CALN1: variants seen among roughly 807,000 people sequenced by gnomAD.
CALN1 encodes calneuron 1, also known as calcium-binding protein 8.
In CALN1, 17 loss-of-function variants were observed where a neutral mutation model predicts 30.6. The ratio of observed to expected loss-of-function variants is 0.56; its 90% CI spans 0.38 to 0.83. CALN1 has a LOEUF of 0.83. Ranked by LOEUF, CALN1 falls within the 40% of genes least tolerant of loss-of-function variation. The probability of loss-of-function intolerance (pLI) is 0.00; values close to 1 mark genes in which losing one functional copy is unlikely to be tolerated. For synonymous variants in CALN1, 156 were observed against 131.4 expected, an observed-to-expected ratio of 1.19 and a Z score of -1.28; for missense variants, 291 against 354.9, an observed-to-expected ratio of 0.82 and a Z score of 1.45.
At chr7:72,076,326 C>T (rs1391449746) in intron 4 of CALN1, among the ~76,000 whole-genome samples, 2 of 151,220 alleles carry the variant, frequency 1.3e-5, no homozygotes, top group Non-Finnish European at 2.9e-5. Flanking sequence ...AGGCCAGGTG[C>T]GGTGGCTCAC....
intron 5 of CALN1, among the ~76,000 whole-genome samples, chr7:71,985,915 T>C (rs1798648398): frequency 6.6e-6 from 1 of 152,058 alleles, no homozygotes; most frequent in Admixed American, 6.5e-5. Flanking sequence ...AATAGCAACA[T>C]GACTTGTAAT....
chr7:72,502,206 T>A, the CALN1 span, among the ~76,000 whole-genome samples: 4 of 149,584 alleles, frequency 2.7e-5, no homozygotes, highest in African/African-American at 9.7e-5. Context: ...GAGGTCAGAA[T>A]ATTACATTTT....
intron 2 of CALN1, among the ~76,000 whole-genome samples, chr7:72,341,103 G>T (rs1802361107): frequency 6.6e-6 from 1 of 152,200 alleles, no homozygotes; most frequent in African/African-American, 2.4e-5. Flanking sequence ...GAACAGAGTT[G>T]ACAGGATCTC....
intron 3 of CALN1, among the ~76,000 whole-genome samples, chr7:72,159,536 G>A (rs1431116650): frequency 1.3e-5 from 2 of 151,710 alleles, no homozygotes; most frequent in Non-Finnish European, 2.9e-5. Flanking sequence ...AGTGGCTTAT[G>A]CCTGTAATCC....
At chr7:72,132,863 C>G (rs1358388241) in intron 3 of CALN1, among the ~76,000 whole-genome samples, 1 of 152,136 alleles carries the variant, frequency 6.6e-6, no homozygotes, top group South Asian at 2.1e-4. Context: ...CTGTTAGGAA[C>G]CGGGCTGCAG....
At chr7:71,866,782 T>C (rs1273251889) in intron 5 of CALN1, among the ~76,000 whole-genome samples, 1 of 152,150 alleles carries the variant, frequency 6.6e-6, no homozygotes, top group Non-Finnish European at 1.5e-5. Context: ...AGTAGAGTTA[T>C]GAAATAGGGG....
At chr7:71,855,864 A>G (rs543127278) in intron 5 of CALN1, among the ~76,000 whole-genome samples, 2 of 152,278 alleles carry the variant, frequency 1.3e-5, no homozygotes, top group African/African-American at 4.8e-5. Context: ...AGTGGGCATT[A>G]AGAGTCCTGA....
At chr7:71,805,825 T>A (rs1787573930) in intron 6 of CALN1, among the ~76,000 whole-genome samples, 1 of 152,184 alleles carries the variant, frequency 6.6e-6, no homozygotes, top group Non-Finnish European at 1.5e-5. Flanking sequence ...TGGTCCTAGA[T>A]CTTTGAGGAA....
chr7:72,010,931 G>A (rs993221703), intron 5 of CALN1, among the ~76,000 whole-genome samples: 9 of 152,054 alleles, frequency 5.9e-5, no homozygotes, highest in African/African-American at 1.9e-4. Flanking sequence ...GAGGTGGGCG[G>A]ATCATGGGGT....
At chr7:72,220,446 T>C (rs1793201073) in intron 3 of CALN1, among the ~76,000 whole-genome samples, 1 of 151,634 alleles carries the variant, frequency 6.6e-6, no homozygotes, top group African/African-American at 2.4e-5. Context: ...CTATTGTTGT[T>C]GGACATTTGG....
chr7:72,341,210 T>C (rs184863634), intron 2 of CALN1, among the ~76,000 whole-genome samples: 1 of 152,194 alleles, frequency 6.6e-6, no homozygotes, highest in African/African-American at 2.4e-5. Flanking sequence ...ACTTTCTAGA[T>C]GACAACCATG....
At chr7:71,959,697 C>T (rs1213664018) in intron 5 of CALN1, among the ~76,000 whole-genome samples, 1 of 151,790 alleles carries the variant, frequency 6.6e-6, no homozygotes, top group East Asian at 1.9e-4. Context: ...GATGGTCACC[C>T]AGTCCCAACT....
intron 2 of CALN1, among the ~76,000 whole-genome samples, chr7:72,357,116 G>C (rs925348094): frequency 2.6e-5 from 4 of 151,960 alleles, no homozygotes; most frequent in African/African-American, 9.7e-5. Flanking sequence ...CTGAAACTTA[G>C]AGACAGCCTT....
chr7:72,369,040 C>A (rs1164997511), intron 2 of CALN1, among the ~76,000 whole-genome samples: 1 of 151,376 alleles, frequency 6.6e-6, no homozygotes, highest in African/African-American at 2.4e-5. Context: ...ATCTCGAACT[C>A]CTGACCTCAA....
At chr7:72,357,085 A>T (rs959625531) in intron 2 of CALN1, among the ~76,000 whole-genome samples, 9 of 152,200 alleles carry the variant, frequency 5.9e-5, no homozygotes, top group Non-Finnish European at 1.2e-4. Context: ...AAAGGAACTA[A>T]TGATTAAAAT....
At chr7:71,943,486 G>C (rs1237068044) in intron 5 of CALN1, among the ~76,000 whole-genome samples, 1 of 152,122 alleles carries the variant, frequency 6.6e-6, no homozygotes, top group Admixed American at 6.6e-5. Flanking sequence ...TGTCACCCAG[G>C]CTGGAGCACA....
chr7:72,218,519 C>A (rs1175508089), intron 3 of CALN1, among the ~76,000 whole-genome samples: 1 of 152,020 alleles, frequency 6.6e-6, no homozygotes, highest in African/African-American at 2.4e-5. Context: ...AGCTCAGTAG[C>A]CTGTTATTGT....
At chr7:72,223,267 G>A (rs1484628748) in intron 3 of CALN1, among the ~76,000 whole-genome samples, 2 of 152,128 alleles carry the variant, frequency 1.3e-5, no homozygotes, top group Non-Finnish European at 2.9e-5. Flanking sequence ...GGGCACATGG[G>A]AGAAATAAAA....
At chr7:72,004,289 A>C (rs1799663673) in intron 5 of CALN1, among the ~76,000 whole-genome samples, 1 of 152,236 alleles carries the variant, frequency 6.6e-6, no homozygotes, top group Non-Finnish European at 1.5e-5. Context: ...GAGAAAGGAC[A>C]GCCCTTTCAA....
Sources: allele counts gnomAD v4.1 joint callset (sites outside exome capture counted in the v4.1 genomes callset), GRCh38; gene constraint gnomAD v4.1.1; transcripts MANE v1.5; gene names NCBI Gene and HGNC (gene_info 2026-07-23, HGNC 2026-07-21).